NF2: variants seen among roughly 807,000 people sequenced by gnomAD.
NF2 encodes NF2, moesin-ezrin-radixin like (MERLIN) tumor suppressor.
In NF2, 8 loss-of-function variants were observed where a neutral mutation model predicts 83.7. That is an observed-to-expected ratio of 0.10 (90% CI 0.06 to 0.17). The LOEUF is 0.17. Among genes scored for constraint, NF2 ranks in the 10% least tolerant of loss-of-function variants. The pLI is 1.00. For missense variants in NF2, 533 were observed against 744.4 expected (o/e 0.72, Z 3.31); for synonymous variants, 266 against 269.6 (o/e 0.99, Z 0.13).
intron 1 of NF2, among the ~76,000 whole-genome samples, chr22:29,619,492 G>A (rs913989047): frequency 6.6e-5 from 10 of 152,158 alleles, no homozygotes; most frequent in South Asian, 2.1e-4. Context: ...TGTCTCCTGG[G>A]TTCAAGCAAT....
chr22:29,678,126 T>C (rs111737749), intron 13 of NF2, 70 bp from the exon 14 acceptor site: 1 of 1,606,054 alleles, frequency 6.2e-7, no homozygotes, highest in East Asian at 2.2e-5. Context: ...GGAGGATCGG[T>C]TGTCAACACA....
At chr22:29,614,299 C>T (rs1235875177) in intron 1 of NF2, among the ~76,000 whole-genome samples, 2 of 150,844 alleles carry the variant, frequency 1.3e-5, no homozygotes, top group Non-Finnish European at 3.0e-5. Context: ...AAAAGTAGGC[C>T]GGGTGCGGTG....
At chr22:29,682,057 G>C (rs543678804) in intron 15 of NF2, among the ~76,000 whole-genome samples, 1 of 152,156 alleles carries the variant, frequency 6.6e-6, no homozygotes, top group Non-Finnish European at 1.5e-5. Context: ...TTAAAAGGAA[G>C]TGTCTAGGAA....
At chr22:29,607,849 AAAAG>A (rs1034333951) in intron 1 of NF2, among the ~76,000 whole-genome samples, 2 of 152,162 alleles carry the variant, frequency 1.3e-5, no homozygotes, top group African/African-American at 2.4e-5. Context: ...AAATTATAAA[AAAAG>A]AATCAAATGA....
rs577120301 is a variant in NF2 at position 29,682,893 on chromosome 22, A to G, written c.1737+1292A>G. The G allele has an allele frequency of 1.0e-3, 1,220 of 1,180,366 alleles. 2 individuals carry two copies. The highest frequency in any genetic ancestry group is 1.5e-3 in the Admixed American group (88 of 57,292). The allele number at this position is 1,180,366 out of a possible 1,614,324, so 73.1% of individuals were successfully genotyped here. ...AGCTGGAGAGACCCCGTTCCAAGCC[A>G]TTAAAACAAACAAAATCACTCATCA... On this transcript the variant is annotated intron_variant, in intron 15 of 15. Coordinates refer to ENST00000338641, the MANE Select transcript of NF2 (RefSeq NM_000268.4).
At chr22:29,669,000 G>C (rs535727487) in intron 10 of NF2, among the ~76,000 whole-genome samples, 1 of 152,328 alleles carries the variant, frequency 6.6e-6, no homozygotes, top group South Asian at 2.1e-4. Context: ...AACCTTCTCT[G>C]CTCATGGAAA....
intron 15 of NF2, chr22:29,683,857 A>C (rs913666835): frequency 1.9e-6 from 2 of 1,055,674 alleles, no homozygotes; most frequent in African/African-American, 3.3e-5. Context: ...TTCCTCCAGC[A>C]TGCCTAGGCA....
In NF2 at chr22:29,696,137, A is replaced by C. The variant is rs1462242618; in HGVS notation, c.*1335A>C. The C allele has an allele frequency of 9.1e-6, 2 of 220,110 alleles. No homozygotes were observed. Among genetic ancestry groups the C allele is most frequent in the Non-Finnish European group, 1.8e-5 (2 of 113,386 alleles). The allele number at this position is 220,110 out of a possible 1,614,324, so 13.6% of individuals were successfully genotyped here. On this transcript the variant is annotated 3_prime_UTR_variant, in exon 16 of 16. Coordinates refer to ENST00000338641, the MANE Select transcript of NF2 (RefSeq NM_000268.4). Reference sequence around the variant, plus strand: ...CACCCAGGTGGGAGTGTGGTGGCACAATCTCGGCTCACTGCAACCTCCACC... The same window carrying C: ...CACCCAGGTGGGAGTGTGGTGGCACCATCTCGGCTCACTGCAACCTCCACC...
rs2065653938 is a variant in NF2 at position 29,636,631 on chromosome 22, C to T, written c.115-120C>T. ...TTTAAAATTATTTAGGAATTCAGTC[C>T]TCATCAGCTGTCTTAGTGTCATCCC... On this transcript the variant is annotated intron_variant, in intron 1 of 15. Coordinates refer to ENST00000338641, the MANE Select transcript of NF2 (RefSeq NM_000268.4). This position sits in a 1 kb window ranked among gnomAD's most constrained non-coding sequence, Gnocchi z 4.4. 7.8e-7 allele frequency: 1 copy of T among 1,275,506 alleles called. No individual in the cohort carries two copies. Among genetic ancestry groups the T allele is most frequent in the Admixed American group, 1.7e-5 (1 of 58,762 alleles). The allele number at this position is 1,275,506 out of a possible 1,614,324, so 79.0% of individuals were successfully genotyped here. A position where few individuals can be genotyped will look rare whatever the true frequency, so the allele number is the denominator to read the frequency against.
intron 1 of NF2, among the ~76,000 whole-genome samples, chr22:29,624,806 T>TTTCTTTTA: frequency 2.8e-5 from 1 of 36,244 alleles, no homozygotes; most frequent in East Asian, 7.1e-4. Flanking sequence ...GTCCTCTTTC[T>TTTCTTTTA]TTCTTTCTTT....
intron 15 of NF2, chr22:29,683,857 A>G: frequency 1.9e-6 from 2 of 1,055,792 alleles, no homozygotes; most frequent in Non-Finnish European, 2.3e-6. Flanking sequence ...TTCCTCCAGC[A>G]TGCCTAGGCA....
rs529288801 is a variant in NF2, at chr22:29,677,252, G to C, written c.1447-944G>C. Among the ~76,000 whole-genome samples the C allele has an allele frequency of 4.6e-5, 7 of 152,288 alleles. No individual in the cohort carries two copies. In the South Asian group the frequency reaches 1.5e-3, roughly 32 times the overall value. On this transcript the variant is annotated intron_variant, in intron 13 of 15. Transcript: ENST00000338641. ...AGCGTTAAGGGACAGCAAAGAAAAG[G>C]GTTGCCGGCTGGCTGGGAGGGGCTA...
intron 6 of NF2, among the ~76,000 whole-genome samples, chr22:29,656,191 C>T (rs991426569): frequency 6.6e-6 from 1 of 152,052 alleles, no homozygotes; most frequent in African/African-American, 2.4e-5. Context: ...CTGCCCACCT[C>T]GGCCTCCCAA....
In NF2 at chr22:29,603,947, G is replaced by T. The variant is rs1375143968; in HGVS notation, c.-52G>T. 1 of 1,399,906 alleles carries T rather than the reference G, an allele frequency of 7.1e-7. No homozygotes were observed. 86.7% of individuals were successfully genotyped at this position (1,399,906 alleles called of 1,614,324 possible). A position where few individuals can be genotyped will look rare whatever the true frequency, so the allele number is the denominator to read the frequency against. Reference sequence around the variant, plus strand: ...GCAGCAACTCCAGGGGGGCTAAAGGGCTCAGAGTGCAGGCCGTGGGGCGCG... The same window carrying T: ...GCAGCAACTCCAGGGGGGCTAAAGGTCTCAGAGTGCAGGCCGTGGGGCGCG... On this transcript the variant is annotated 5_prime_UTR_variant, in exon 1 of 16. Transcript: ENST00000338641.
chr22:29,646,876 T>G (rs1466098686), intron 4 of NF2, among the ~76,000 whole-genome samples: 4 of 152,046 alleles, frequency 2.6e-5, no homozygotes, highest in Non-Finnish European at 5.9e-5. Context: ...AAACCTAATC[T>G]CTACTAAAAA....
intron 1 of NF2, among the ~76,000 whole-genome samples, chr22:29,613,761 T>C (rs2065013469): frequency 6.9e-6 from 1 of 144,738 alleles, no homozygotes; most frequent in African/African-American, 2.4e-5. Flanking sequence ...TTTCTTTTCT[T>C]TTTTCTTTTT....
At chr22:29,606,315 C>T (rs1209384316) in intron 1 of NF2, among the ~76,000 whole-genome samples, 1 of 152,214 alleles carries the variant, frequency 6.6e-6, no homozygotes, top group Non-Finnish European at 1.5e-5. Flanking sequence ...GTACCTTGGA[C>T]ATGACATACT....
chr22:29,689,595 A>T (rs1038478098), intron 15 of NF2, among the ~76,000 whole-genome samples: 1 of 152,124 alleles, frequency 6.6e-6, no homozygotes, highest in African/African-American at 2.4e-5. Context: ...CTTATTGTTT[A>T]AAATGAATGA....
chr22:29,656,281 G>A (rs2066304237), intron 6 of NF2, among the ~76,000 whole-genome samples: 1 of 151,868 alleles, frequency 6.6e-6, no homozygotes, highest in Admixed American at 6.6e-5. Flanking sequence ...CTATCCCATT[G>A]CTTTTGCATC....
Sources: allele counts gnomAD v4.1 joint callset (sites outside exome capture counted in the v4.1 genomes callset), GRCh38; gene constraint gnomAD v4.1.1; non-coding constraint Gnocchi (gnomAD v3.1); transcripts MANE v1.5; gene names NCBI Gene and HGNC (gene_info 2026-07-23, HGNC 2026-07-21).